The following NOVA1 variants were observed in gnomAD, a reference collection of about 807,000 sequenced individuals.
NOVA1 encodes the protein NOVA alternative splicing regulator 1.
In NOVA1, 7 loss-of-function variants were observed where a neutral mutation model predicts 38.0. That is an observed-to-expected ratio of 0.18 (90% confidence interval 0.10 to 0.35). The LOEUF (loss-of-function observed/expected upper bound fraction) is 0.35. Among genes scored for constraint, NOVA1 ranks in the 10% least tolerant of loss-of-function variants. The probability of loss-of-function intolerance (pLI) is 1.00; values close to 1 mark genes in which losing one functional copy is unlikely to be tolerated. For synonymous variants in NOVA1, 270 were observed against 232.5 expected (o/e 1.16, Z -1.47); for missense variants, 460 against 616.0 (o/e 0.75, Z 2.68).
At chr14:26,518,149 A>G (rs1455993539) in intron 2 of NOVA1, among the ~76,000 whole-genome samples, 1 of 152,078 alleles carries the variant, frequency 6.6e-6, no homozygotes, top group East Asian at 1.9e-4. Flanking sequence ...TAAGGATATT[A>G]TATTATCCTT....
chr14:26,448,292 T>A lies in NOVA1; in HGVS notation c.1191A>T (p.Gly397=). The change falls in exon 5 of 5, where the codon GGA becomes GGT. Residue 397 remains glycine, a synonymous_variant. Coordinates refer to ENST00000539517, the MANE Select transcript of NOVA1 (RefSeq NM_002515.3). The surrounding 1 kb of genome is among the most constrained non-coding windows in gnomAD (Gnocchi z 5.3). ...SLAAATAATN[G]YFGAASPLAA... The stretch of plus-strand genomic sequence containing the variant: ...CTAGGGGAGAAGCAGCTCCAAAATA[T>A]CCATTGGTTGCAGCAGTAGCAGCAG... 2 of 1,614,144 alleles carry A rather than the reference T, an allele frequency of 1.2e-6. No individual in the cohort carries two copies. The highest frequency in any genetic ancestry group is 1.7e-6 in the Non-Finnish European group (2 of 1,180,028).
At chr14:26,549,187 G>T (rs568349945) in intron 2 of NOVA1, among the ~76,000 whole-genome samples, 1 of 151,912 alleles carries the variant, frequency 6.6e-6, no homozygotes, top group South Asian at 2.1e-4. Flanking sequence ...TAAAAAAGAA[G>T]TCAAAATTGG....
intron 2 of NOVA1, among the ~76,000 whole-genome samples, chr14:26,502,395 T>C (rs953468203): frequency 5.3e-5 from 8 of 151,836 alleles, no homozygotes; most frequent in Non-Finnish European, 8.8e-5. Context: ...ATTAAAGCCA[T>C]AGTAAATTTA....
At chr14:26,495,739 A>G (rs1426422858) in intron 2 of NOVA1, among the ~76,000 whole-genome samples, 82 of 141,104 alleles carry the variant, frequency 5.8e-4, no homozygotes, top group Non-Finnish European at 7.3e-4. Flanking sequence ...GAGTGAGAAT[A>G]TGCGGTGTTT....
chr14:26,443,239 C>T lies in NOVA1; in HGVS notation c.*4720G>A, dbSNP rs1594300258. 6.6e-6 allele frequency: 1 copy of T among 152,022 alleles called. No homozygotes were observed. The highest frequency in any genetic ancestry group is 2.1e-4 in the South Asian group (1 of 4,818). 9.4% of individuals were successfully genotyped at this position (152,022 alleles called of 1,614,324 possible). Reference sequence around the variant, plus strand: ...TCTATGGTAACCCAAGTATTGGCTTCTGTACCACTTTGTAATGAGACAATT... The same window carrying T: ...TCTATGGTAACCCAAGTATTGGCTTTTGTACCACTTTGTAATGAGACAATT... On this transcript the variant is annotated 3_prime_UTR_variant, in exon 5 of 5. Coordinates refer to ENST00000539517, the MANE Select transcript of NOVA1 (RefSeq NM_002515.3).
At chr14:26,596,606 T>C (rs1894207470) in intron 1 of NOVA1, 2 of 1,289,052 alleles carry the variant, frequency 1.6e-6, no homozygotes, top group South Asian at 1.2e-5. Flanking sequence ...ATTGTTAAGA[T>C]GATTCCAGTG....
intron 2 of NOVA1, among the ~76,000 whole-genome samples, chr14:26,579,226 T>G (rs1224920912): frequency 6.6e-6 from 1 of 151,858 alleles, no homozygotes; most frequent in Non-Finnish European, 1.5e-5. Flanking sequence ...CCCAGCCAAT[T>G]TTTGTATTTT....
chr14:26,556,631 T>G (rs995909422), intron 2 of NOVA1, among the ~76,000 whole-genome samples: 1 of 152,114 alleles, frequency 6.6e-6, no homozygotes, highest in Non-Finnish European at 1.5e-5. Context: ...CAGATCCATG[T>G]AAGAACAAAA....
At chr14:26,587,002 AG>A (rs1239565773) in intron 2 of NOVA1, among the ~76,000 whole-genome samples, 1 of 149,850 alleles carries the variant, frequency 6.7e-6, no homozygotes, top group Non-Finnish European at 1.5e-5. Context: ...TCCAGAAGGG[AG>A]GGAAAAAAAA....
chr14:26,526,587 AAT>A (rs869200763), intron 2 of NOVA1, among the ~76,000 whole-genome samples: 6 of 90,926 alleles, frequency 6.6e-5, no homozygotes, highest in East Asian at 6.1e-4. Flanking sequence ...AAAATAAAAA[AAT>A]ATACTCACTT....
chr14:26,532,582 C>T (rs769058762), intron 2 of NOVA1, among the ~76,000 whole-genome samples: 11 of 152,056 alleles, frequency 7.2e-5, no homozygotes, highest in Admixed American at 3.9e-4. Flanking sequence ...GCAAGGGGCA[C>T]AATGAAATTT....
At chr14:26,487,300 G>A (rs943369703) in intron 2 of NOVA1, among the ~76,000 whole-genome samples, 3 of 151,934 alleles carry the variant, frequency 2.0e-5, no homozygotes, top group African/African-American at 4.8e-5. Flanking sequence ...ATACGCATAC[G>A]GAATAACTTA....
intron 3 of NOVA1, among the ~76,000 whole-genome samples, chr14:26,478,020 A>G (rs1379602564): frequency 6.6e-6 from 1 of 152,022 alleles, no homozygotes; most frequent in Non-Finnish European, 1.5e-5. Context: ...TAAATAACCA[A>G]CAATACTTCT....
At chr14:26,548,177 T>C (rs1890922443) in intron 2 of NOVA1, among the ~76,000 whole-genome samples, 1 of 152,012 alleles carries the variant, frequency 6.6e-6, no homozygotes, top group Admixed American at 6.6e-5. Flanking sequence ...CAAATAATAT[T>C]CTAATTAGAA....
At position 26,472,394 on chromosome 14, in the gene NOVA1, G is replaced by T; in HGVS notation, c.448-3C>A. On this transcript the variant is annotated splice_polypyrimidine_tract_variant and splice_region_variant and intron_variant, in intron 3 of 4. Coordinates refer to ENST00000539517, the MANE Select transcript of NOVA1 (RefSeq NM_002515.3). Reference sequence around the variant, plus strand: ...GTAGTTGGGGAAGATGGCAATGTCTGGGAAACAAAGCAGTTCAGGAGCAAA... The same window carrying T: ...GTAGTTGGGGAAGATGGCAATGTCTTGGAAACAAAGCAGTTCAGGAGCAAA... The T allele has an allele frequency of 2.0e-6, 3 of 1,509,774 alleles. No homozygotes were observed. Among genetic ancestry groups the T allele is most frequent in the Non-Finnish European group, 2.7e-6 (3 of 1,118,290 alleles). The allele number at this position is 1,509,774 out of a possible 1,614,324, so 93.5% of individuals were successfully genotyped here.
At chr14:26,492,052 A>G (rs999113962) in intron 2 of NOVA1, among the ~76,000 whole-genome samples, 15 of 151,894 alleles carry the variant, frequency 9.9e-5, no homozygotes, top group South Asian at 2.1e-4. Context: ...CATTAAGTGT[A>G]CTCACCCATT....
At chr14:26,510,015 A>G (rs919227253) in intron 2 of NOVA1, among the ~76,000 whole-genome samples, 1 of 152,188 alleles carries the variant, frequency 6.6e-6, no homozygotes, top group South Asian at 2.1e-4. Context: ...CAGTACAGAC[A>G]TAAGAGAATA....
At chr14:26,516,806 T>TA (rs1888500823) in intron 2 of NOVA1, among the ~76,000 whole-genome samples, 3 of 152,164 alleles carry the variant, frequency 2.0e-5, no homozygotes, top group Non-Finnish European at 4.4e-5. Flanking sequence ...TGTCTTTAAT[T>TA]ATGTGTTAAA....
At chr14:26,464,654 CTGAT>C (rs1883970088) in intron 4 of NOVA1, among the ~76,000 whole-genome samples, 1 of 151,868 alleles carries the variant, frequency 6.6e-6, no homozygotes, top group Non-Finnish European at 1.5e-5. Flanking sequence ...CTTTTATTAG[CTGAT>C]TGATGGTAAT....
Sources: gnomAD v4.1 joint callset for allele counts (sites outside exome capture counted in the v4.1 genomes callset) on GRCh38, gnomAD v4.1.1 for gene constraint, Gnocchi (gnomAD v3.1) non-coding constraint, MANE v1.5 for transcripts, NCBI Gene and HGNC (gene_info 2026-07-23, HGNC 2026-07-21) for gene names.